GAP43: variants seen among roughly 807,000 people sequenced by gnomAD.
The protein encoded by GAP43 is growth associated protein 43, also known as neuromodulin.
GAP43 carries 6 observed loss-of-function variants against 18.6 expected under a neutral mutation model. The observed-to-expected ratio is 0.32, with a 90% CI of 0.18 to 0.64. The LOEUF (loss-of-function observed/expected upper bound fraction) is 0.64, where lower values mean the gene tolerates loss of function less well. GAP43 is among the 30% of genes least tolerant of loss of function. The pLI is 0.78. For synonymous variants in GAP43, 115 were observed against 111.4 expected (o/e 1.03, Z -0.20); for missense variants, 292 against 295.5 (o/e 0.99, Z 0.09).
intron 1 of GAP43, chr3:115,661,133 A>C (rs1281082319): frequency 6.6e-6 from 1 of 151,486 alleles, no homozygotes; most frequent in Non-Finnish European, 1.5e-5. Context: ...TTAAAAAAAA[A>C]ACTGTTTTTC....
Position 115,678,415 on chromosome 3 carries a change from C to T in GAP43, c.628+1805C>T, listed in dbSNP as rs184495647. ...GGGTTGATAGAAGGATTTTTTGAAT[C>T]AGTAGGAAGTCTAATATATAATATA... On this transcript the variant is annotated intron_variant, in intron 2 of 2. Coordinates refer to ENST00000305124, the MANE Select transcript of GAP43 (RefSeq NM_002045.4). Among the ~76,000 whole-genome samples, 381 of 152,034 alleles carry T rather than the reference C, an allele frequency of 2.5e-3. 1 individual carries two copies. The highest frequency in any genetic ancestry group is 4.3e-3 in the Non-Finnish European group (291 of 67,990).
chr3:115,683,137 G>GCA (rs1287401880), intron 2 of GAP43, among the ~76,000 whole-genome samples: 4 of 123,422 alleles, frequency 3.2e-5, no homozygotes, highest in South Asian at 2.6e-4. Context: ...GCGCGCGTGC[G>GCA]CGCGCGCGCG....
intron 2 of GAP43, among the ~76,000 whole-genome samples, chr3:115,695,874 C>T (rs906336732): frequency 2.9e-4 from 44 of 152,314 alleles, no homozygotes; most frequent in Middle Eastern, 3.4e-3. Flanking sequence ...ACTTTCTACT[C>T]TTTGAAACAC....
chr3:115,706,615 T>G (rs900532815), intron 2 of GAP43, among the ~76,000 whole-genome samples: 2 of 152,228 alleles, frequency 1.3e-5, no homozygotes, highest in Non-Finnish European at 1.5e-5. Context: ...CCTTGATTCT[T>G]GTATTACTGA....
At chr3:115,678,750 C>T (rs1241764062) in intron 2 of GAP43, among the ~76,000 whole-genome samples, 1 of 151,944 alleles carries the variant, frequency 6.6e-6, no homozygotes, top group Non-Finnish European at 1.5e-5. Flanking sequence ...CATGGGCATT[C>T]AAAGGTGATT....
At chr3:115,649,352 T>G (rs77168918) in intron 1 of GAP43, among the ~76,000 whole-genome samples, 1 of 152,250 alleles carries the variant, frequency 6.6e-6, no homozygotes, top group African/African-American at 2.4e-5. Context: ...CATTAGGGAT[T>G]AAGTTTCAAC....
chr3:115,661,703 T>C (rs1056121968), intron 1 of GAP43, among the ~76,000 whole-genome samples: 3 of 152,006 alleles, frequency 2.0e-5, no homozygotes, highest in African/African-American at 4.8e-5. Context: ...TTAGCCAGGA[T>C]GGTCTCGATC....
chr3:115,680,034 C>CT (rs993940351), intron 2 of GAP43, among the ~76,000 whole-genome samples: 4 of 152,186 alleles, frequency 2.6e-5, no homozygotes, highest in African/African-American at 9.7e-5. Context: ...TCTTCCTCCT[C>CT]TTTTTTATCC....
At chr3:115,664,139 GTATA>G (rs1259417022) in intron 1 of GAP43, among the ~76,000 whole-genome samples, 2 of 151,582 alleles carry the variant, frequency 1.3e-5, no homozygotes, top group African/African-American at 2.4e-5. Context: ...TTTGGGGTGT[GTATA>G]TATCATATAA....
chr3:115,653,182 G>A (rs963762590), intron 1 of GAP43, among the ~76,000 whole-genome samples: 1 of 152,172 alleles, frequency 6.6e-6, no homozygotes, highest in African/African-American at 2.4e-5. Context: ...GCTCATACCT[G>A]TAATCCCAGC....
At chr3:115,692,442 G>GGAGA (rs1709127022) in intron 2 of GAP43, among the ~76,000 whole-genome samples, 1 of 152,116 alleles carries the variant, frequency 6.6e-6, no homozygotes, top group African/African-American at 2.4e-5. Flanking sequence ...GTCTGGATGG[G>GGAGA]GAGAAAAGTA....
chr3:115,668,094 G>A (rs1334122738), intron 1 of GAP43, among the ~76,000 whole-genome samples: 1 of 152,162 alleles, frequency 6.6e-6, no homozygotes, highest in Non-Finnish European at 1.5e-5. Flanking sequence ...CTTCCCATAG[G>A]TATTTTCCTG....
intron 2 of GAP43, among the ~76,000 whole-genome samples, chr3:115,708,211 C>G (rs1709389078): frequency 6.6e-6 from 1 of 152,092 alleles, no homozygotes; most frequent in African/African-American, 2.4e-5. Flanking sequence ...AAAAAGATAC[C>G]ACAAACTATG....
chr3:115,655,389 ATATT>A (rs886379307), intron 1 of GAP43, among the ~76,000 whole-genome samples: 2 of 152,224 alleles, frequency 1.3e-5, no homozygotes, highest in Non-Finnish European at 2.9e-5. Flanking sequence ...CCCAGGGTAT[ATATT>A]TATGTGACTA....
intron 1 of GAP43, among the ~76,000 whole-genome samples, chr3:115,655,694 A>G (rs1159178880): frequency 6.6e-6 from 1 of 152,242 alleles, no homozygotes; most frequent in Non-Finnish European, 1.5e-5. Flanking sequence ...ATAACTTAGT[A>G]AATGTGATAA....
chr3:115,681,728 G>A (rs1708960248), intron 2 of GAP43, among the ~76,000 whole-genome samples: 1 of 152,180 alleles, frequency 6.6e-6, no homozygotes, highest in South Asian at 2.1e-4. Flanking sequence ...TTAACTGCCA[G>A]GTCCTGTGCT....
chr3:115,688,101 C>T (rs1238789245), intron 2 of GAP43, among the ~76,000 whole-genome samples: 1 of 152,150 alleles, frequency 6.6e-6, no homozygotes, highest in African/African-American at 2.4e-5. Context: ...ACCGCAACCT[C>T]CGCCTCCCGG....
At position 115,704,713 on chromosome 3, in the gene GAP43, A is replaced by G. The variant is rs369798298; in HGVS notation, c.629-16081A>G. 1.6e-4 allele frequency among the ~76,000 whole-genome samples: 24 copies of G among 152,246 alleles called. No individual in the cohort carries two copies. In the East Asian group the frequency reaches 1.9e-3, roughly 12 times the overall value. The stretch of plus-strand genomic sequence containing the variant: ...AGGACTCTGGGAAGAGATGCAAGTT[A>G]AAATCAAGCAGATTTTACTCATTCC... On this transcript the variant is annotated intron_variant, in intron 2 of 2. Coordinates refer to ENST00000305124, the MANE Select transcript of GAP43 (RefSeq NM_002045.4).
intron 1 of GAP43, among the ~76,000 whole-genome samples, chr3:115,630,949 A>G (rs6798192): frequency 0.9 from 136,265 of 152,232 alleles, 61,334 homozygotes; most frequent in East Asian, 1. Flanking sequence ...TAGGAAGGGA[A>G]GGAGCATCAT....
Sources: gnomAD v4.1 joint callset for allele counts (sites outside exome capture counted in the v4.1 genomes callset) on GRCh38, gnomAD v4.1.1 for gene constraint, MANE v1.5 for transcripts, NCBI Gene and HGNC (gene_info 2026-07-23, HGNC 2026-07-21) for gene names.